The following KCND3 variants were observed in gnomAD, a reference collection of about 807,000 sequenced individuals.
KCND3 encodes potassium voltage-gated channel subfamily D member 3.
KCND3 carries 9 observed loss-of-function variants against 51.1 expected under a neutral mutation model. That is an observed-to-expected ratio of 0.18 (90% CI 0.11 to 0.31). The LOEUF (loss-of-function observed/expected upper bound fraction) is 0.31, where lower values mean the gene tolerates loss of function less well. KCND3 is among the 10% of genes least tolerant of loss of function. KCND3 has a pLI of 1.00. For missense variants in KCND3, 526 were observed against 903.8 expected, an observed-to-expected ratio of 0.58 and a Z score of 5.36; for synonymous variants, 349 against 368.0, an observed-to-expected ratio of 0.95 and a Z score of 0.59.
chr1:111,843,676 G>A (rs893827478), intron 2 of KCND3, among the ~76,000 whole-genome samples: 6 of 152,134 alleles, frequency 3.9e-5, no homozygotes, highest in Non-Finnish European at 7.4e-5. Flanking sequence ...TAGTGATAAG[G>A]ACAAAATAAG....
rs114908646 is a variant in KCND3, at chr1:111,835,455, G to A, written c.1107-48349C>T. Among the ~76,000 whole-genome samples, 1,223 of 152,290 alleles carry A rather than the reference G, an allele frequency of 8.0e-3. 8 individuals are homozygous for A. Among genetic ancestry groups the A allele is most frequent in the Middle Eastern group, 0.048 (14 of 294 alleles). ...ATTCCCAGGGGGTTAGGCATTCTAAGTCACAGAATAAGATAGGAGGTTGGC... is the reference window on the plus strand; with the variant it reads ...ATTCCCAGGGGGTTAGGCATTCTAAATCACAGAATAAGATAGGAGGTTGGC... On this transcript the variant is annotated intron_variant, in intron 2 of 7. Coordinates refer to ENST00000302127, the MANE Select transcript of KCND3 (RefSeq NM_001378969.1).
intron 2 of KCND3, among the ~76,000 whole-genome samples, chr1:111,800,717 G>T (rs1665268109): frequency 6.6e-6 from 1 of 152,236 alleles, no homozygotes; most frequent in Non-Finnish European, 1.5e-5. Flanking sequence ...AGCTCAAGAG[G>T]CTGTGAAGCC....
chr1:111,797,204 C>T (rs560483566), intron 2 of KCND3, among the ~76,000 whole-genome samples: 1 of 152,214 alleles, frequency 6.6e-6, no homozygotes, highest in Non-Finnish European at 1.5e-5. Flanking sequence ...CTGGGGACTA[C>T]TGCTTTAAAT....
chr1:111,803,283 C>T (rs987563950), intron 2 of KCND3, among the ~76,000 whole-genome samples: 5 of 152,164 alleles, frequency 3.3e-5, no homozygotes, highest in Non-Finnish European at 5.9e-5. Context: ...TCCACAGCCT[C>T]GCACAGCACC....
chr1:111,896,246 C>T (rs1670108941), intron 2 of KCND3, among the ~76,000 whole-genome samples: 2 of 152,192 alleles, frequency 1.3e-5, no homozygotes, highest in Non-Finnish European at 2.9e-5. Context: ...GACGGCATGA[C>T]GTGGTGGTTG....
Position 111,981,492 on chromosome 1 carries a change from C to T in KCND3, c.1106+129G>A, listed in dbSNP as rs1674944333. On this transcript the variant is annotated intron_variant, in intron 2 of 7. Coordinates refer to ENST00000302127, the MANE Select transcript of KCND3 (RefSeq NM_001378969.1). The surrounding 1 kb of genome is among the most constrained non-coding windows in gnomAD (Gnocchi z 6.2). ...CTTTACCCTTCGGATAGAGCAACTT[C>T]CCCTGCCCCCAACACTTGGGTAAGG... 4 of 1,360,684 alleles carry T rather than the reference C, an allele frequency of 2.9e-6. No individual in the cohort carries two copies. Among genetic ancestry groups the T allele is most frequent in the South Asian group, 1.2e-5 (1 of 81,390 alleles). The allele number at this position is 1,360,684 out of a possible 1,614,324, so 84.3% of individuals were successfully genotyped here. A position where few individuals can be genotyped will look rare whatever the true frequency, so the allele number is the denominator to read the frequency against.
Position 111,986,350 on chromosome 1 carries a change from G to A in KCND3, c.-73+3155C>T, listed in dbSNP as rs1187821619. On this transcript the variant is annotated intron_variant, in intron 1 of 7. Coordinates refer to ENST00000302127, the MANE Select transcript of KCND3 (RefSeq NM_001378969.1). ...GTCTCTTTCAAAGTGGCTAAGTTCT[G>A]TGTATATGGGAGCTGACAATTTTCA... Among the ~76,000 whole-genome samples, 7 of 152,322 alleles carry A rather than the reference G, an allele frequency of 4.6e-5. No homozygotes were observed. In the South Asian group the frequency reaches 1.2e-3, roughly 27 times the overall value.
chr1:111,785,362 G>A (rs1009568834), intron 3 of KCND3, among the ~76,000 whole-genome samples: 2 of 152,200 alleles, frequency 1.3e-5, no homozygotes, highest in East Asian at 3.9e-4. Context: ...CAGGGAAAGA[G>A]GTAAGATTTC....
intron 2 of KCND3, among the ~76,000 whole-genome samples, chr1:111,805,356 T>C (rs1665517587): frequency 6.6e-6 from 1 of 152,176 alleles, no homozygotes. Context: ...CGCCACAACC[T>C]GGATGCCACA....
At chr1:111,848,899 G>A (rs1043401488) in intron 2 of KCND3, among the ~76,000 whole-genome samples, 1 of 152,106 alleles carries the variant, frequency 6.6e-6, no homozygotes, top group African/African-American at 2.4e-5. Context: ...AGGGGCTGGG[G>A]GCACCTCTCT....
At chr1:111,873,875 G>A (rs1356333889) in intron 2 of KCND3, among the ~76,000 whole-genome samples, 1 of 152,026 alleles carries the variant, frequency 6.6e-6, no homozygotes, top group African/African-American at 2.4e-5. Flanking sequence ...TCTGGCACAA[G>A]CAGGGGAGAA....
At chr1:111,870,657 C>T (rs537950203) in intron 2 of KCND3, among the ~76,000 whole-genome samples, 186 of 152,044 alleles carry the variant, frequency 1.2e-3, no homozygotes, top group Non-Finnish European at 1.9e-3. Flanking sequence ...GCCATATAAG[C>T]CAATAAATAT....
At chr1:111,849,031 G>A (rs993883514) in intron 2 of KCND3, among the ~76,000 whole-genome samples, 7 of 151,540 alleles carry the variant, frequency 4.6e-5, no homozygotes, top group African/African-American at 1.2e-4. Flanking sequence ...CTCCCCCGCC[G>A]CTCCCTGTAG....
intron 2 of KCND3, among the ~76,000 whole-genome samples, chr1:111,847,590 G>A (rs1667613989): frequency 2.0e-5 from 3 of 152,130 alleles, no homozygotes; most frequent in Admixed American, 2.0e-4. Context: ...CGTGGGGCTG[G>A]GTGTATCAGT....
At chr1:111,866,921 A>C (rs1668603467) in intron 2 of KCND3, among the ~76,000 whole-genome samples, 1 of 152,228 alleles carries the variant, frequency 6.6e-6, no homozygotes, top group Non-Finnish European at 1.5e-5. Flanking sequence ...CAGCTTCCCA[A>C]GGAAGCCATT....
chr1:111,780,460 G>T lies in KCND3; in HGVS notation c.1372-146C>A. ...AAATTTCAGGGTCAGCATTGAATAT[G>T]CTAACCTTTGGGCTCAGGGGCCCTT... On this transcript the variant is annotated intron_variant, in intron 4 of 7. Transcript: ENST00000302127. This position sits in a 1 kb window ranked among gnomAD's most constrained non-coding sequence, Gnocchi z 4.2. 1.1e-6 allele frequency: 1 copy of T among 901,596 alleles called. No individual in the cohort carries two copies. Among genetic ancestry groups the T allele is most frequent in the Non-Finnish European group, 1.8e-6 (1 of 561,800 alleles). The allele number at this position is 901,596 out of a possible 1,614,324, so 55.8% of individuals were successfully genotyped here.
In KCND3 at chr1:111,982,352, C is replaced by T. The variant is rs2289723; in HGVS notation, c.375G>A (p.Pro125=). The change falls in exon 2 of 8, where the codon CCG becomes CCA. Residue 125 remains proline, a synonymous_variant. Coordinates refer to ENST00000302127, the MANE Select transcript of KCND3 (RefSeq NM_001378969.1). This position sits in a 1 kb window ranked among gnomAD's most constrained non-coding sequence, Gnocchi z 8.5. ...DDELAFYGIL[P]EIIGDCCYEE... is the part of the protein sequence containing the mutation. Reference sequence around the variant, plus strand: ...CGTAGCAGCAGTCCCCGATGATCTCCGGGAGGATGCCGTAGAAGGCCAGCT... The same window carrying T: ...CGTAGCAGCAGTCCCCGATGATCTCTGGGAGGATGCCGTAGAAGGCCAGCT... 9.6e-3 allele frequency: 15,565 copies of T among 1,614,078 alleles called. 581 individuals are homozygous for T. The East Asian group carries it at 0.13, about 13-fold the overall frequency.
intron 2 of KCND3, among the ~76,000 whole-genome samples, chr1:111,820,624 C>A (rs556425410): frequency 6.6e-6 from 1 of 152,110 alleles, no homozygotes; most frequent in African/African-American, 2.4e-5. Flanking sequence ...TTCATTCTTA[C>A]TTTTGGAAGC....
intron 2 of KCND3, among the ~76,000 whole-genome samples, chr1:111,926,470 G>C (rs1671703047): frequency 6.6e-6 from 1 of 152,252 alleles, no homozygotes; most frequent in African/African-American, 2.4e-5. Context: ...TTCAAATCCA[G>C]GTATGTCTGA....
Sources: gnomAD v4.1 joint callset for allele counts (sites outside exome capture counted in the v4.1 genomes callset) on GRCh38, gnomAD v4.1.1 for gene constraint, Gnocchi (gnomAD v3.1) non-coding constraint, MANE v1.5 for transcripts, NCBI Gene and HGNC (gene_info 2026-07-23, HGNC 2026-07-21) for gene names.